The following DAPK1 variants were observed in gnomAD, a reference collection of about 807,000 sequenced individuals.
DAPK1 encodes death associated protein kinase 1.
In DAPK1, 56 loss-of-function variants were observed where a neutral mutation model predicts 144.9. The observed-to-expected ratio is 0.39, with a 90% CI of 0.31 to 0.48. DAPK1 has a LOEUF of 0.48. Among genes scored for constraint, DAPK1 ranks in the 20% least tolerant of loss-of-function variants. The pLI is 0.95. For synonymous variants in DAPK1, 690 were observed against 749.0 expected (o/e 0.92, Z 1.29); for missense variants, 1,454 against 1,875.4 (o/e 0.78, Z 4.15).
intron 2 of DAPK1, among the ~76,000 whole-genome samples, chr9:87,593,072 G>A (rs1436808346): frequency 6.6e-6 from 1 of 152,110 alleles, no homozygotes; most frequent in East Asian, 1.9e-4. Context: ...CTGAGACCTG[G>A]GCCTGTGACT....
intron 2 of DAPK1, among the ~76,000 whole-genome samples, chr9:87,500,144 T>C (rs1290996681): frequency 6.6e-6 from 1 of 152,234 alleles, no homozygotes; most frequent in African/African-American, 2.4e-5. Context: ...CATCCTGGAT[T>C]GCCTAATGAG....
chr9:87,636,876 G>A (rs1026346141), intron 3 of DAPK1, among the ~76,000 whole-genome samples: 1 of 152,046 alleles, frequency 6.6e-6, no homozygotes, highest in Non-Finnish European at 1.5e-5. Flanking sequence ...CATCGCTATC[G>A]TGGAGTTTTT....
chr9:87,506,743 G>A (rs1360136631), intron 2 of DAPK1: 2 of 152,156 alleles, frequency 1.3e-5, no homozygotes, highest in African/African-American at 4.8e-5. Flanking sequence ...CTTGAAAGAG[G>A]TTATATGACA....
intron 11 of DAPK1, among the ~76,000 whole-genome samples, chr9:87,644,836 A>C (rs1432717388): frequency 1.3e-5 from 2 of 152,196 alleles, no homozygotes; most frequent in South Asian, 2.1e-4. Context: ...TCCATATTCT[A>C]ATCATGGGGA....
intron 2 of DAPK1, among the ~76,000 whole-genome samples, chr9:87,585,979 T>C (rs1237518166): frequency 6.6e-6 from 1 of 152,206 alleles, no homozygotes; most frequent in African/African-American, 2.4e-5. Flanking sequence ...CTTTTATTAG[T>C]GTGACTGCTA....
chr9:87,498,105 C>A lies in DAPK1; in HGVS notation c.-111C>A. On this transcript the variant is annotated splice_region_variant and 5_prime_UTR_variant, in exon 1 of 26. Coordinates refer to ENST00000408954, the MANE Select transcript of DAPK1 (RefSeq NM_004938.4). ...GGGACCGGGGGAGCTCCCAGGCGCC[C>A]GGGTGAGTAGCCAGGCGCGGCTCCC... The A allele has an allele frequency of 2.5e-6, 1 of 397,628 alleles. No individual in the cohort carries two copies. The highest frequency in any genetic ancestry group is 1.3e-4 in the South Asian group (1 of 7,476). The allele number at this position is 397,628 out of a possible 1,614,324, so 24.6% of individuals were successfully genotyped here.
chr9:87,594,034 C>G (rs191133263), intron 2 of DAPK1, among the ~76,000 whole-genome samples: 48 of 152,290 alleles, frequency 3.2e-4, no homozygotes, highest in Non-Finnish European at 5.9e-4. Context: ...AGCAGCCAAT[C>G]CTGGCATAAC....
Position 87,637,937 on chromosome 9 carries a change from T to A in DAPK1, c.285-6T>A. The A allele has an allele frequency of 1.2e-6, 2 of 1,613,406 alleles. No homozygotes were observed. The highest frequency in any genetic ancestry group is 8.5e-7 in the Non-Finnish European group (1 of 1,179,452). On this transcript the variant is annotated splice_region_variant and splice_polypyrimidine_tract_variant and intron_variant, in intron 3 of 25. Transcript: ENST00000408954. ...TTACCAATAACCTCTGCTTCCGGGT[T>A]CTCAGCGTTGCAGGTGGCGAGCTGT...
At chr9:87,563,563 A>G (rs1019040135) in intron 2 of DAPK1, among the ~76,000 whole-genome samples, 12 of 152,194 alleles carry the variant, frequency 7.9e-5, no homozygotes, top group Non-Finnish European at 1.5e-5. Flanking sequence ...TGTGATGTCC[A>G]AGGTTAGACC....
chr9:87,534,894 C>A (rs1480175506), intron 2 of DAPK1, among the ~76,000 whole-genome samples: 1 of 152,136 alleles, frequency 6.6e-6, no homozygotes, highest in Admixed American at 6.5e-5. Context: ...ATCTGCCTGC[C>A]TCGGCCTCCT....
intron 3 of DAPK1, chr9:87,632,638 A>T (rs977701098): frequency 1.0e-6 from 1 of 982,926 alleles, no homozygotes; most frequent in South Asian, 4.7e-5. Flanking sequence ...ATATGTAGGG[A>T]TGAAGGAGGA....
Position 87,686,452 on chromosome 9 carries a change from AGGCGT to A in DAPK1, c.2225-97_2225-93del, listed in dbSNP as rs1587844711. ...GAAGCCAGAGTTGGGGTGGGGACAG[AGGCGT>A]GCTCCAGAAAAGGAAACCTCAGGGC... On this transcript the variant is annotated intron_variant, in intron 20 of 25. Transcript: ENST00000408954. The surrounding 1 kb of genome is among the most constrained non-coding windows in gnomAD (Gnocchi z 4.2). 1.2e-5 allele frequency: 8 copies of A among 680,946 alleles called. No homozygotes were observed. In the East Asian group the frequency reaches 2.2e-4, roughly 18 times the overall value. The allele number at this position is 680,946 out of a possible 1,614,324, so 42.2% of individuals were successfully genotyped here.
At chr9:87,567,857 C>T (rs13298208) in intron 2 of DAPK1, among the ~76,000 whole-genome samples, 5,851 of 152,278 alleles carry the variant, frequency 0.038, 147 homozygotes, top group Middle Eastern at 0.095. Flanking sequence ...GCGATCGTTT[C>T]CATGGGCATA....
At chr9:87,664,736 C>T (rs1433875170) in intron 18 of DAPK1, among the ~76,000 whole-genome samples, 1 of 152,248 alleles carries the variant, frequency 6.6e-6, no homozygotes. Flanking sequence ...CACGCAGCCG[C>T]CTGGTCAGAC....
At chr9:87,635,647 C>T (rs1167582062) in intron 3 of DAPK1, among the ~76,000 whole-genome samples, 1 of 152,148 alleles carries the variant, frequency 6.6e-6, no homozygotes. Context: ...CACTCGTTCC[C>T]GCAAGCTGGA....
At chr9:87,562,321 G>A (rs1571514) in intron 2 of DAPK1, among the ~76,000 whole-genome samples, 102,884 of 152,132 alleles carry the variant, frequency 0.68, 36,440 homozygotes, top group African/African-American at 0.89. Context: ...CTCCTGTGTC[G>A]TAACTCCAGG....
intron 2 of DAPK1, among the ~76,000 whole-genome samples, chr9:87,518,770 C>G (rs1201364865): frequency 6.6e-6 from 1 of 152,172 alleles, no homozygotes; most frequent in African/African-American, 2.4e-5. Context: ...GTCTACACAG[C>G]TATGTGGGTA....
chr9:87,674,364 A>T (rs1271139661), intron 19 of DAPK1, among the ~76,000 whole-genome samples: 1 of 151,912 alleles, frequency 6.6e-6, no homozygotes, highest in Admixed American at 6.6e-5. Context: ...AATTAAAATA[A>T]ATTAGCCAGA....
At chr9:87,512,419 T>G (rs1412232788) in intron 2 of DAPK1, among the ~76,000 whole-genome samples, 1 of 152,176 alleles carries the variant, frequency 6.6e-6, no homozygotes, top group Non-Finnish European at 1.5e-5. Context: ...AGTTGTGACA[T>G]GTACCAATTT....
Sources: gnomAD v4.1 joint callset for allele counts (sites outside exome capture counted in the v4.1 genomes callset) on GRCh38, gnomAD v4.1.1 for gene constraint, Gnocchi (gnomAD v3.1) non-coding constraint, MANE v1.5 for transcripts, NCBI Gene and HGNC (gene_info 2026-07-23, HGNC 2026-07-21) for gene names.